Variants in WDR64 observed in about 807,000 individuals in gnomAD.
WDR64 encodes the protein WD repeat domain 64.
Under a neutral mutation model 139.3 loss-of-function variants are expected in WDR64, and 112 were observed. The observed-to-expected ratio is 0.80, with a 90% CI of 0.69 to 0.94. The LOEUF is 0.94. Ranked by LOEUF, WDR64 falls within the 40% of genes least tolerant of loss-of-function variation. The pLI, the probability that WDR64 is intolerant of heterozygous loss-of-function variation, is 0.00. For missense variants in WDR64, 1,206 were observed against 1,293.1 expected (o/e 0.93, Z 1.03); for synonymous variants, 444 against 437.7 (o/e 1.01, Z -0.18).
intron 1 of WDR64, among the ~76,000 whole-genome samples, chr1:241,657,067 C>G (rs916910912): frequency 2.0e-5 from 3 of 152,086 alleles, no homozygotes; most frequent in African/African-American, 7.2e-5. Flanking sequence ...ATATTACCAT[C>G]TCCACTACTA....
intron 19 of WDR64, among the ~76,000 whole-genome samples, chr1:241,771,935 TACATAC>T (rs1352383057): frequency 8.9e-5 from 2 of 22,352 alleles, no homozygotes; most frequent in African/African-American, 2.8e-4. Context: ...TACATATACA[TACATAC>T]ATACATATAT....
chr1:241,698,307 A>C (rs1667575764), intron 8 of WDR64, among the ~76,000 whole-genome samples: 1 of 151,992 alleles, frequency 6.6e-6, no homozygotes. Context: ...GTAATCACCA[A>C]ATTTGTCCAT....
intron 10 of WDR64, among the ~76,000 whole-genome samples, chr1:241,727,128 C>A (rs949805027): frequency 5.3e-5 from 8 of 152,104 alleles, no homozygotes; most frequent in Non-Finnish European, 1.0e-4. Context: ...CTCAGGTTAT[C>A]CACCTGCCTC....
intron 27 of WDR64, among the ~76,000 whole-genome samples, chr1:241,799,771 C>A (rs1659470486): frequency 6.6e-6 from 1 of 152,110 alleles, no homozygotes; most frequent in Admixed American, 6.6e-5. Context: ...TCAGAATAAC[C>A]TTATGAGAAT....
chr1:241,654,479 A>C (rs1444551365), intron 1 of WDR64, among the ~76,000 whole-genome samples: 1 of 152,220 alleles, frequency 6.6e-6, no homozygotes, highest in African/African-American at 2.4e-5. Flanking sequence ...ATTGCACTAG[A>C]TTAACACTGT....
At chr1:241,735,855 C>CTGTGTG (rs59974714) in intron 10 of WDR64, among the ~76,000 whole-genome samples, 86 of 71,710 alleles carry the variant, frequency 1.2e-3, no homozygotes, top group East Asian at 4.5e-3. Context: ...CTCTCTCTCT[C>CTGTGTG]TGTGTGTGTG....
intron 1 of WDR64, 127 bp downstream of exon 1, chr1:241,652,756 C>T (rs1219769163): frequency 1.8e-6 from 2 of 1,127,760 alleles, no homozygotes; most frequent in South Asian, 1.9e-5. Context: ...GGATGAAGAC[C>T]TCAGTTCTTG....
Position 241,787,878 on chromosome 1 carries a change from G to T in WDR64, c.2735G>T (p.Cys912Phe), listed in dbSNP as rs1659097591. 1 of 1,603,590 alleles carries T rather than the reference G, an allele frequency of 6.2e-7. No homozygotes were observed. The highest frequency in any genetic ancestry group is 8.5e-7 in the Non-Finnish European group (1 of 1,176,858). Residue 912 changes from cysteine to phenylalanine, a missense_variant, in exon 24 of 28, where the codon TGT (cysteine) becomes TTT (phenylalanine). Coordinates refer to ENST00000437684, the MANE Select transcript of WDR64 (RefSeq NM_001367482.1). Reference sequence around the variant, plus strand: ...TGGCATGCCCTCAATGGACATTATTGTGGATATTTTGGACAGCGAAGGCTC... The same window carrying T: ...TGGCATGCCCTCAATGGACATTATTTTGGATATTTTGGACAGCGAAGGCTC... ...RLWHALNGHY[C>F]GYFGQRRLFE...
At chr1:241,795,903 T>G (rs1458523070) in intron 26 of WDR64, among the ~76,000 whole-genome samples, 1 of 152,254 alleles carries the variant, frequency 6.6e-6, no homozygotes, top group African/African-American at 2.4e-5. Flanking sequence ...ATCAAATACT[T>G]AAGCTAACAG....
chr1:241,712,528 G>A (rs1480120133), intron 9 of WDR64, among the ~76,000 whole-genome samples: 1 of 152,148 alleles, frequency 6.6e-6, no homozygotes, highest in Non-Finnish European at 1.5e-5. Context: ...ATATCCATAG[G>A]ATGGCCTTGA....
intron 18 of WDR64, 26 bp downstream of exon 18, chr1:241,770,716 T>C (rs1658397424): frequency 6.5e-7 from 1 of 1,546,914 alleles, no homozygotes; most frequent in Non-Finnish European, 8.7e-7. Context: ...ACAGGGTCTG[T>C]CTTCCTGTCA....
rs772394661 is a variant in WDR64, at chr1:241,744,277, A to ATT, written c.1471-115_1471-114insTT. 1,034 of 1,252,904 alleles carry ATT rather than the reference A, an allele frequency of 8.3e-4. 2 individuals carry two copies. The highest frequency in any genetic ancestry group is 2.2e-3 in the Middle Eastern group (10 of 4,494). The allele number at this position is 1,252,904 out of a possible 1,614,324, so 77.6% of individuals were successfully genotyped here. The stretch of plus-strand genomic sequence containing the variant: ...AACATTCAGGGCAGAGCGCTAGGAA[A>ATT]TGTGTTAGATGTACAGAGTTCCATT... On this transcript the variant is annotated intron_variant, in intron 12 of 27. Coordinates refer to ENST00000437684, the MANE Select transcript of WDR64 (RefSeq NM_001367482.1).
intron 13 of WDR64, among the ~76,000 whole-genome samples, chr1:241,744,836 C>G (rs1043947063): frequency 6.6e-6 from 1 of 152,186 alleles, no homozygotes; most frequent in Non-Finnish European, 1.5e-5. Flanking sequence ...TTTTGGGTAC[C>G]ATCAGCCAAG....
At chr1:241,733,089 T>C (rs189011949) in intron 10 of WDR64, among the ~76,000 whole-genome samples, 1 of 152,286 alleles carries the variant, frequency 6.6e-6, no homozygotes, top group East Asian at 1.9e-4. Context: ...CAATTACAAA[T>C]TACCCTCAAA....
At chr1:241,779,685 C>T (rs1658779307) in intron 21 of WDR64, among the ~76,000 whole-genome samples, 1 of 152,000 alleles carries the variant, frequency 6.6e-6, no homozygotes, top group Non-Finnish European at 1.5e-5. Context: ...AAAAAATTAG[C>T]CGGGCGTGGT....
chr1:241,745,494 T>C (rs1163716012), intron 13 of WDR64, among the ~76,000 whole-genome samples: 1 of 144,568 alleles, frequency 6.9e-6, no homozygotes, highest in Non-Finnish European at 1.5e-5. Flanking sequence ...ATTCAATATA[T>C]GACTGACAAT....
At chr1:241,690,467 T>C (rs1667175439) in intron 8 of WDR64, among the ~76,000 whole-genome samples, 1 of 150,060 alleles carries the variant, frequency 6.7e-6, no homozygotes, top group Admixed American at 6.6e-5. Flanking sequence ...GGAGACTCTG[T>C]CAAAAAAAAA....
intron 9 of WDR64, among the ~76,000 whole-genome samples, chr1:241,713,113 C>T (rs553690049): frequency 7.0e-4 from 106 of 151,566 alleles, no homozygotes; most frequent in Admixed American, 1.3e-3. Flanking sequence ...TCAAGACTAG[C>T]CTGGGCAATA....
chr1:241,667,262 C>G (rs1666056513), intron 2 of WDR64, among the ~76,000 whole-genome samples: 1 of 152,204 alleles, frequency 6.6e-6, no homozygotes. Flanking sequence ...ACACTATTCT[C>G]TGAGGTTAAA....
Sources: gnomAD v4.1 joint callset for allele counts (sites outside exome capture counted in the v4.1 genomes callset) on GRCh38, gnomAD v4.1.1 for gene constraint, MANE v1.5 for transcripts, NCBI Gene and HGNC (gene_info 2026-07-23, HGNC 2026-07-21) for gene names.